Variants in PXK observed in about 807,000 individuals in gnomAD.
PXK encodes the protein PX domain containing serine/threonine kinase like.
PXK carries 35 observed loss-of-function variants against 84.7 expected under a neutral mutation model. That is an observed-to-expected ratio of 0.41 (90% CI 0.32 to 0.55). The LOEUF is 0.55. PXK is among the 20% of genes least tolerant of loss of function. The pLI, the probability that PXK is intolerant of heterozygous loss-of-function variation, is 0.21. For synonymous variants in PXK, 253 were observed against 260.8 expected, an observed-to-expected ratio of 0.97 and a Z score of 0.29; for missense variants, 634 against 699.7, an observed-to-expected ratio of 0.91 and a Z score of 1.06.
rs1341301685 is a variant in PXK, at chr3:58,399,648, A to C, written c.1181+271A>C. Among the ~76,000 whole-genome samples the C allele has an allele frequency of 6.6e-6, 1 of 152,090 alleles. No homozygotes were observed. The highest frequency in any genetic ancestry group is 2.4e-5 in the African/African-American group (1 of 41,428). On this transcript the variant is annotated intron_variant, in intron 12 of 17. Coordinates refer to ENST00000356151, the MANE Select transcript of PXK (RefSeq NM_017771.5). The surrounding 1 kb of genome is among the most constrained non-coding windows in gnomAD (Gnocchi z 4.3). Reference sequence around the variant, plus strand: ...TAGCATTGTGTGTACGTACATTAGCATTGGGTGTGCGTATGTGTCGCAGCC... The same window carrying C: ...TAGCATTGTGTGTACGTACATTAGCCTTGGGTGTGCGTATGTGTCGCAGCC...
chr3:58,408,757 C>T (rs1217599088), intron 13 of PXK, among the ~76,000 whole-genome samples, 167 bp from the exon 14 acceptor site: 5 of 152,114 alleles, frequency 3.3e-5, no homozygotes, highest in African/African-American at 9.7e-5. Flanking sequence ...CTCCTGACCG[C>T]GTGATCCGCC....
At chr3:58,408,525 C>CTT (rs10587686) in intron 13 of PXK, among the ~76,000 whole-genome samples, 6 of 143,102 alleles carry the variant, frequency 4.2e-5, no homozygotes, top group African/African-American at 7.8e-5. Flanking sequence ...CCAAATGACT[C>CTT]TTTTTTTTTT....
chr3:58,375,627 C>T (rs937530262), intron 3 of PXK, among the ~76,000 whole-genome samples: 14 of 152,258 alleles, frequency 9.2e-5, no homozygotes, highest in African/African-American at 1.9e-4. Context: ...TCCATGTCTA[C>T]GTGGATTTTC....
chr3:58,402,840 A>G (rs1448318513), intron 12 of PXK, among the ~76,000 whole-genome samples: 1 of 150,324 alleles, frequency 6.7e-6, no homozygotes, highest in Non-Finnish European at 1.5e-5. Flanking sequence ...GTGGGGGTAC[A>G]TGCGAAAGTT....
intron 1 of PXK, among the ~76,000 whole-genome samples, chr3:58,362,225 A>G (rs980022767): frequency 1.1e-4 from 16 of 152,108 alleles, no homozygotes; most frequent in South Asian, 4.1e-4. Context: ...ATGAAGTCCA[A>G]TTTTTCCCTT....
chr3:58,343,976 C>T (rs1377590565), intron 1 of PXK, among the ~76,000 whole-genome samples: 1 of 152,140 alleles, frequency 6.6e-6, no homozygotes, highest in Non-Finnish European at 1.5e-5. Context: ...CCTATTATTT[C>T]TTACTACCTT....
chr3:58,346,563 G>A (rs896571496), intron 1 of PXK, among the ~76,000 whole-genome samples: 1 of 152,174 alleles, frequency 6.6e-6, no homozygotes, highest in African/African-American at 2.4e-5. Flanking sequence ...ATACTGAAAA[G>A]GGAGTGTTAC....
intron 3 of PXK, among the ~76,000 whole-genome samples, chr3:58,373,050 C>T (rs2098399381): frequency 6.6e-6 from 1 of 151,412 alleles, no homozygotes; most frequent in Non-Finnish European, 1.5e-5. Context: ...AGGCCCTGCC[C>T]CTTCCAGTGT....
At position 58,407,171 on chromosome 3, in the gene PXK, C is replaced by T. The variant is rs2059530537; in HGVS notation, c.1231-1753C>T. On this transcript the variant is annotated intron_variant, in intron 13 of 17. Transcript: ENST00000356151. This position sits in a 1 kb window ranked among gnomAD's most constrained non-coding sequence, Gnocchi z 4.3. ...TAGCAGCTGTACTACTCTACATTTC[C>T]ACCAGCAGTGTACAAGGGCTTCAGT... is the stretch of plus-strand genomic sequence containing the variant. Among the ~76,000 whole-genome samples, 1 of 152,186 alleles carries T rather than the reference C, an allele frequency of 6.6e-6. No homozygotes were observed. The highest frequency in any genetic ancestry group is 2.1e-4 in the South Asian group (1 of 4,832).
chr3:58,333,588 G>C lies in PXK; in HGVS notation c.102+498G>C. On this transcript the variant is annotated intron_variant, in intron 1 of 17. Coordinates refer to ENST00000356151, the MANE Select transcript of PXK (RefSeq NM_017771.5). This position sits in a 1 kb window ranked among gnomAD's most constrained non-coding sequence, Gnocchi z 5.4. ...CCAGAGCCTACTTGTTGGGACAGCAGAGTGTAAGTGGCTGGGGTCTGCAGC... is the reference window on the plus strand; with the variant it reads ...CCAGAGCCTACTTGTTGGGACAGCACAGTGTAAGTGGCTGGGGTCTGCAGC... The C allele has an allele frequency of 4.4e-6, 2 of 456,760 alleles. No individual in the cohort carries two copies. Among genetic ancestry groups the C allele is most frequent in the South Asian group, 3.1e-5 (2 of 64,576 alleles). The allele number at this position is 456,760 out of a possible 1,614,324, so 28.3% of individuals were successfully genotyped here.
At position 58,383,340 on chromosome 3, in the gene PXK, T is replaced by G. The variant is rs1420388176; in HGVS notation, c.388+640T>G. On this transcript the variant is annotated intron_variant, in intron 4 of 17. Transcript: ENST00000356151. The surrounding 1 kb of genome is among the most constrained non-coding windows in gnomAD (Gnocchi z 4.0). ...TAATCCACAATAACGCATACAGTAA[T>G]TTTTATATTACTTTTGACCTCTAAT... 2.0e-5 allele frequency among the ~76,000 whole-genome samples: 3 copies of G among 152,194 alleles called. No individual in the cohort carries two copies. The highest frequency in any genetic ancestry group is 7.2e-5 in the African/African-American group (3 of 41,450).
rs1484716125 is a variant in PXK, at chr3:58,397,252, C to T, written c.984+52C>T. 6.4e-7 allele frequency: 1 copy of T among 1,569,900 alleles called. No homozygotes were observed. The highest frequency in any genetic ancestry group is 1.7e-5 in the Admixed American group (1 of 59,760). On this transcript the variant is annotated intron_variant, in intron 10 of 17. Transcript: ENST00000356151. This position sits in a 1 kb window ranked among gnomAD's most constrained non-coding sequence, Gnocchi z 4.7. The stretch of plus-strand genomic sequence containing the variant: ...AGGTTCATTTTTAGGTGTCAGTTAT[C>T]CCCATGATCTGCCCATGTAGGAAAT...
Position 58,333,187 on chromosome 3 carries a change from G to A in PXK, c.102+97G>A. On this transcript the variant is annotated intron_variant, in intron 1 of 17. Transcript: ENST00000356151. The surrounding 1 kb of genome is among the most constrained non-coding windows in gnomAD (Gnocchi z 5.4). The stretch of plus-strand genomic sequence containing the variant: ...CGCGGGCCGGGCAGGGTCGTCGGAC[G>A]GAGACCGGGCCACAGGGTGGGCGGC... The A allele has an allele frequency of 2.8e-6, 2 of 717,708 alleles. No individual in the cohort carries two copies. Among genetic ancestry groups the A allele is most frequent in the Non-Finnish European group, 3.4e-6 (2 of 580,882 alleles). 44.5% of individuals were successfully genotyped at this position (717,708 alleles called of 1,614,324 possible).
In PXK at chr3:58,412,153, G is replaced by A. The variant is rs1008668616; in HGVS notation, c.1466-748G>A. On this transcript the variant is annotated intron_variant, in intron 16 of 17. Coordinates refer to ENST00000356151, the MANE Select transcript of PXK (RefSeq NM_017771.5). The surrounding 1 kb of genome is among the most constrained non-coding windows in gnomAD (Gnocchi z 6.2). The stretch of plus-strand genomic sequence containing the variant: ...TAGGATCTCTATGTGTGGGAGGGGG[G>A]TTTCTGTGTCCACAGAAAGGCTTAC... 3.3e-5 allele frequency among the ~76,000 whole-genome samples: 5 copies of A among 152,110 alleles called. No individual in the cohort carries two copies. Among genetic ancestry groups the A allele is most frequent in the Non-Finnish European group, 7.4e-5 (5 of 68,022 alleles).
At chr3:58,413,982 T>G (rs990377473) in intron 17 of PXK, 1 of 152,284 alleles carries the variant, frequency 6.6e-6, no homozygotes, top group Admixed American at 6.5e-5. Flanking sequence ...GGGTGGCTAC[T>G]GGTGCCTTAC....
intron 12 of PXK, among the ~76,000 whole-genome samples, chr3:58,403,185 A>G (rs1483913509): frequency 6.6e-6 from 1 of 151,806 alleles, no homozygotes; most frequent in Admixed American, 6.6e-5. Flanking sequence ...TTGTATTTTT[A>G]GTAGAGATGG....
chr3:58,340,138 T>TA (rs1202925843), intron 1 of PXK, among the ~76,000 whole-genome samples: 3 of 147,952 alleles, frequency 2.0e-5, no homozygotes, highest in Non-Finnish European at 3.0e-5. Context: ...TTTTTTTTTT[T>TA]AAGACAGGGT....
chr3:58,413,466 A>G (rs2060509150), intron 17 of PXK: 1 of 153,314 alleles, frequency 6.5e-6, no homozygotes, highest in African/African-American at 2.4e-5. Flanking sequence ...AATGTATTTA[A>G]TTATCTGAAT....
chr3:58,351,539 G>A (rs1468758906), intron 1 of PXK, among the ~76,000 whole-genome samples: 2 of 152,098 alleles, frequency 1.3e-5, no homozygotes, highest in Non-Finnish European at 2.9e-5. Flanking sequence ...GAGATTACAG[G>A]TGTGAGCCAC....
Sources: gnomAD v4.1 joint callset for allele counts (sites outside exome capture counted in the v4.1 genomes callset) on GRCh38, gnomAD v4.1.1 for gene constraint, Gnocchi (gnomAD v3.1) non-coding constraint, MANE v1.5 for transcripts, NCBI Gene and HGNC (gene_info 2026-07-23, HGNC 2026-07-21) for gene names.